The following CPNE8 variants were observed in gnomAD, a reference collection of about 807,000 sequenced individuals.
CPNE8 encodes copine 8.
Under a neutral mutation model 81.5 loss-of-function variants are expected in CPNE8, and 45 were observed. That is an observed-to-expected ratio of 0.55 (90% CI 0.44 to 0.71). CPNE8 has a LOEUF of 0.71. Ranked by LOEUF, CPNE8 falls within the 30% of genes least tolerant of loss-of-function variation. The probability of loss-of-function intolerance (pLI) is 0.00; values close to 1 mark genes in which losing one functional copy is unlikely to be tolerated. For missense variants in CPNE8, 594 were observed against 672.1 expected, an observed-to-expected ratio of 0.88 and a Z score of 1.28; for synonymous variants, 252 against 226.3, an observed-to-expected ratio of 1.11 and a Z score of -1.02.
intron 15 of CPNE8, among the ~76,000 whole-genome samples, chr12:38,692,875 GA>G (rs1360261047): frequency 6.6e-6 from 1 of 152,170 alleles, no homozygotes; most frequent in Non-Finnish European, 1.5e-5. Flanking sequence ...GGATGTTGCA[GA>G]AATAACATTT....
chr12:38,782,923 T>C (rs147349295), intron 6 of CPNE8, among the ~76,000 whole-genome samples: 73 of 152,164 alleles, frequency 4.8e-4, no homozygotes, highest in African/African-American at 1.7e-3. Flanking sequence ...CAAGCAATCC[T>C]CCAGAATTGA....
intron 1 of CPNE8, among the ~76,000 whole-genome samples, chr12:38,882,160 T>TAC (rs1470315551): frequency 1.3e-5 from 2 of 152,154 alleles, no homozygotes; most frequent in African/African-American, 4.8e-5. Context: ...ATGAGTAGAT[T>TAC]ACCCTGGATT....
At chr12:38,724,621 T>C (rs1940650712) in intron 12 of CPNE8, among the ~76,000 whole-genome samples, 1 of 152,070 alleles carries the variant, frequency 6.6e-6, no homozygotes, top group South Asian at 2.1e-4. Flanking sequence ...TTGCAGCCCC[T>C]AGGATAATCT....
chr12:38,894,658 A>ACTCT lies in CPNE8; in HGVS notation c.98+10775_98+10778dup, dbSNP rs60538878. Among the ~76,000 whole-genome samples the ACTCT allele has an allele frequency of 5.6e-3, 701 of 124,422 alleles. 6 individuals are homozygous for ACTCT. The highest frequency in any genetic ancestry group is 0.017 in the Middle Eastern group (4 of 238). 81.6% of individuals were successfully genotyped at this position (124,422 alleles called of 152,430 possible). ...CACGTGCTTGCTCTCACTCCAGCTC[A>ACTCT]CTCTCTCTCTCTCTCTCTCTCTCTC... On this transcript the variant is annotated intron_variant, in intron 1 of 19. Coordinates refer to ENST00000331366, the MANE Select transcript of CPNE8 (RefSeq NM_153634.3).
At chr12:38,791,012 A>G (rs1020087865) in intron 6 of CPNE8, among the ~76,000 whole-genome samples, 1 of 151,724 alleles carries the variant, frequency 6.6e-6, no homozygotes, top group African/African-American at 2.4e-5. Flanking sequence ...TCAGACTAGT[A>G]CCCATTTAAT....
chr12:38,868,959 A>C (rs931759256), intron 3 of CPNE8, among the ~76,000 whole-genome samples: 1 of 152,176 alleles, frequency 6.6e-6, no homozygotes, highest in Non-Finnish European at 1.5e-5. Flanking sequence ...GCAATTTTCC[A>C]CTGGAGCAAA....
At chr12:38,888,255 C>T (rs1036427027) in intron 1 of CPNE8, among the ~76,000 whole-genome samples, 2 of 152,182 alleles carry the variant, frequency 1.3e-5, no homozygotes, top group African/African-American at 4.8e-5. Context: ...GAGGAAAAGT[C>T]ATGTATATTC....
At chr12:38,820,945 A>G (rs1943101846) in intron 6 of CPNE8, among the ~76,000 whole-genome samples, 2 of 152,184 alleles carry the variant, frequency 1.3e-5, no homozygotes, top group South Asian at 2.1e-4. Context: ...AACCTAGACC[A>G]TCAACCTTTC....
chr12:38,861,990 A>G (rs1943842966), intron 3 of CPNE8, among the ~76,000 whole-genome samples: 1 of 152,166 alleles, frequency 6.6e-6, no homozygotes, highest in Non-Finnish European at 1.5e-5. Flanking sequence ...AAAATCTCCA[A>G]TGATCTAGGC....
chr12:38,872,896 T>A, intron 3 of CPNE8, 108 bp downstream of exon 3: 1 of 681,366 alleles, frequency 1.5e-6, no homozygotes, highest in Non-Finnish European at 2.5e-6. Flanking sequence ...ATTCAATCTT[T>A]GGGTTCAAAA....
chr12:38,759,728 T>G (rs2136845637), intron 10 of CPNE8, among the ~76,000 whole-genome samples: 1 of 152,300 alleles, frequency 6.6e-6, no homozygotes, highest in Non-Finnish European at 1.5e-5. Context: ...TTCTTATCAC[T>G]TCTTGAAAGA....
Position 38,905,469 on chromosome 12 carries a change from C to T in CPNE8, c.66G>A (p.Pro22=), listed in dbSNP as rs758996393. Reference sequence around the variant, plus strand: ...ACACGGACACCTCCACCCGCGTGGCCGGGATGGCAGCGCTCAGCTGGTTCA... The same window carrying T: ...ACACGGACACCTCCACCCGCGTGGCTGGGATGGCAGCGCTCAGCTGGTTCA... ...GDLNQLSAAI[P]ATRVEVSVSC... The change falls in exon 1 of 20, where the codon CCG becomes CCA. Residue 22 remains proline (P), a synonymous_variant. Coordinates refer to ENST00000331366, the MANE Select transcript of CPNE8 (RefSeq NM_153634.3). The T allele has an allele frequency of 6.4e-7, 1 of 1,573,972 alleles. No individual in the cohort carries two copies. Among genetic ancestry groups the T allele is most frequent in the Non-Finnish European group, 8.6e-7 (1 of 1,159,662 alleles).
chr12:38,678,638 C>A (rs557773218), intron 16 of CPNE8, among the ~76,000 whole-genome samples: 1 of 151,832 alleles, frequency 6.6e-6, no homozygotes, highest in African/African-American at 2.4e-5. Flanking sequence ...TGTCAGGGCA[C>A]AACTTATTTC....
At chr12:38,906,630 G>A (rs1944575978), upstream of CPNE8, 3 of 984,848 alleles carry the variant, frequency 3.0e-6, no homozygotes, top group African/African-American at 5.2e-5. Context: ...GCTGCGTTTG[G>A]GAAACTGCAT....
In CPNE8 at chr12:38,902,387, A is replaced by G. The variant is rs1565670275; in HGVS notation, c.98+3050T>C. Among the ~76,000 whole-genome samples the G allele has an allele frequency of 3.1e-4, 27 of 86,200 alleles. 1 individual carries two copies. In the East Asian group the frequency reaches 8.5e-3, roughly 27 times the overall value. The allele number at this position is 86,200 out of a possible 152,430, so 56.6% of individuals were successfully genotyped here. ...AAGAAAGAAAGAAAGAAAGAAAAGAAAGAAAGAGAAAGAAAGAAAGAAAGA... is the reference window on the plus strand; with the variant it reads ...AAGAAAGAAAGAAAGAAAGAAAAGAGAGAAAGAGAAAGAAAGAAAGAAAGA... On this transcript the variant is annotated intron_variant, in intron 1 of 19. Transcript: ENST00000331366.
Position 38,802,318 on chromosome 12 carries a change from A to G in CPNE8, c.408-26017T>C, listed in dbSNP as rs1942690622. On this transcript the variant is annotated intron_variant, in intron 6 of 19. Transcript: ENST00000331366. ...ATTATAACAAACTATCTCTCAGACC[A>G]CAGTGCAATCAAACTAGAACTCAGG... 5.8e-5 allele frequency among the ~76,000 whole-genome samples: 2 copies of G among 34,408 alleles called. 1 individual carries two copies. Among genetic ancestry groups the G allele is most frequent in the African/African-American group, 9.7e-5 (2 of 20,634 alleles). 22.6% of individuals were successfully genotyped at this position (34,408 alleles called of 152,430 possible).
chr12:38,730,229 G>T, intron 11 of CPNE8, 54 bp downstream of exon 11: 1 of 1,072,648 alleles, frequency 9.3e-7, no homozygotes, highest in Non-Finnish European at 1.4e-6. Flanking sequence ...CACTTTTAAA[G>T]CACAGATTTA....
At chr12:38,737,962 T>C (rs2136784199) in intron 10 of CPNE8, among the ~76,000 whole-genome samples, 2 of 152,312 alleles carry the variant, frequency 1.3e-5, no homozygotes, top group South Asian at 4.1e-4. Flanking sequence ...GTCCCTTCTT[T>C]GCCTCTGGCA....
intron 11 of CPNE8, among the ~76,000 whole-genome samples, chr12:38,727,403 A>G (rs1940728413): frequency 6.6e-6 from 1 of 152,202 alleles, no homozygotes; most frequent in Non-Finnish European, 1.5e-5. Context: ...TCCTGATTTG[A>G]TCATTACACA....
Sources: allele counts gnomAD v4.1 joint callset (sites outside exome capture counted in the v4.1 genomes callset), GRCh38; gene constraint gnomAD v4.1.1; transcripts MANE v1.5; gene names NCBI Gene and HGNC (gene_info 2026-07-23, HGNC 2026-07-21).